Variants in CSNK2A1 observed in about 807,000 individuals in gnomAD.
CSNK2A1 encodes casein kinase II subunit alpha.
CSNK2A1 carries 10 observed loss-of-function variants against 62.9 expected under a neutral mutation model. The ratio of observed to expected loss-of-function variants is 0.16; its 90% confidence interval spans 0.10 to 0.27. CSNK2A1 has a LOEUF of 0.27. Among genes scored for constraint, CSNK2A1 ranks in the 10% least tolerant of loss-of-function variants. The pLI, the probability that CSNK2A1 is intolerant of heterozygous loss-of-function variation, is 1.00. For missense variants in CSNK2A1, 160 were observed against 492.0 expected, an observed-to-expected ratio of 0.33 and a Z score of 6.38; for synonymous variants, 124 against 167.8, an observed-to-expected ratio of 0.74 and a Z score of 2.02.
rs1258899228 is a variant in CSNK2A1, at chr20:499,544, C to T, written c.316-239G>A. On this transcript the variant is annotated intron_variant, in intron 5 of 13. Coordinates refer to ENST00000217244, the MANE Select transcript of CSNK2A1 (RefSeq NM_177559.3). This position sits in a 1 kb window ranked among gnomAD's most constrained non-coding sequence, Gnocchi z 4.2. ...TCTCACCAGGCTCTAGGCAGCCCGA[C>T]AATGCGCCCATCGCCCATCGGCATC... 1.8e-6 allele frequency: 1 copy of T among 552,936 alleles called. No homozygotes were observed. Among genetic ancestry groups the T allele is most frequent in the African/African-American group, 1.9e-5 (1 of 53,036 alleles). 34.3% of individuals were successfully genotyped at this position (552,936 alleles called of 1,614,324 possible).
intron 4 of CSNK2A1, chr20:500,153 T>G (rs2018430514): frequency 2.0e-6 from 1 of 511,010 alleles, no homozygotes; most frequent in African/African-American, 1.9e-5. Flanking sequence ...AAGATTTCTA[T>G]TCCAAAGACC....
At chr20:524,199 A>C (rs1269825505) in intron 2 of CSNK2A1, among the ~76,000 whole-genome samples, 1 of 151,820 alleles carries the variant, frequency 6.6e-6, no homozygotes, top group Non-Finnish European at 1.5e-5. Context: ...TGAGGTGGGC[A>C]GATCACCTGA....
chr20:478,937 C>T lies in CSNK2A1; in HGVS notation c.*5024G>A, dbSNP rs1169238424. 2 of 162,704 alleles carry T rather than the reference C, an allele frequency of 1.2e-5. No individual in the cohort carries two copies. The highest frequency in any genetic ancestry group is 4.8e-5 in the African/African-American group (2 of 41,398). 10.1% of individuals were successfully genotyped at this position (162,704 alleles called of 1,614,324 possible). ...GCAAGACCCGTATCAAAAAACAAAA[C>T]AAACAAAAAACTTCTAGTGAGTAGA... is the stretch of plus-strand genomic sequence containing the variant. On this transcript the variant is annotated 3_prime_UTR_variant, in exon 14 of 14. Coordinates refer to ENST00000217244, the MANE Select transcript of CSNK2A1 (RefSeq NM_177559.3).
chr20:535,787 C>T (rs1466590583), intron 1 of CSNK2A1, among the ~76,000 whole-genome samples: 1 of 151,714 alleles, frequency 6.6e-6, no homozygotes, highest in East Asian at 1.9e-4. Flanking sequence ...ATACAAGTTC[C>T]TGGTCTGCCT....
chr20:497,024 A>C (rs1015797484), intron 7 of CSNK2A1, among the ~76,000 whole-genome samples: 3 of 152,198 alleles, frequency 2.0e-5, no homozygotes, highest in African/African-American at 7.2e-5. Context: ...CAGAAATTAC[A>C]AATATTTGTT....
At chr20:488,894 ACCT>A in intron 10 of CSNK2A1, 116 bp from the exon 11 acceptor site, 1 of 891,912 alleles carries the variant, frequency 1.1e-6, no homozygotes, top group South Asian at 1.7e-5. Context: ...TATGAATGCT[ACCT>A]CCTAACAGTT....
chr20:487,297 C>CATTGCAGAATT, intron 12 of CSNK2A1, 130 bp downstream of exon 12: 1 of 1,309,628 alleles, frequency 7.6e-7, no homozygotes, highest in Non-Finnish European at 1.1e-6. Flanking sequence ...TCACTATCCC[C>CATTGCAGAATT]ACTGGAAGAA....
intron 9 of CSNK2A1, 45 bp from the exon 10 acceptor site, chr20:489,926 C>T: frequency 7.1e-7 from 1 of 1,414,370 alleles, no homozygotes. Flanking sequence ...AATCCTCAGG[C>T]TTGTCACTTC....
intron 8 of CSNK2A1, 114 bp downstream of exon 8, chr20:495,605 T>C: frequency 1.3e-6 from 1 of 778,966 alleles, no homozygotes; most frequent in Non-Finnish European, 2.2e-6. Flanking sequence ...ACCAAATATT[T>C]CTCAACTGCC....
rs1195619960 is a variant in CSNK2A1, at chr20:481,507, G to C, written c.*2454C>G. The C allele has an allele frequency of 8.5e-6, 1 of 117,334 alleles. No homozygotes were observed. The highest frequency in any genetic ancestry group is 3.4e-5 in the African/African-American group (1 of 29,170). The allele number at this position is 117,334 out of a possible 1,614,324, so 7.3% of individuals were successfully genotyped here. On this transcript the variant is annotated 3_prime_UTR_variant, in exon 14 of 14. Transcript: ENST00000217244. ...CTCCCCCCCACCCCCCACCCAATTG[G>C]GTCTTTTTTTTTTTTCTCTCTCTCC...
In CSNK2A1 at chr20:486,427, A is replaced by G. The variant is rs751772350; in HGVS notation, c.1009T>C (p.Ser337Pro). The G allele has an allele frequency of 1.2e-6, 2 of 1,613,614 alleles. No homozygotes were observed. The highest frequency in any genetic ancestry group is 1.7e-6 in the Non-Finnish European group (2 of 1,179,908). The change falls in exon 13 of 14, where the codon TCT (serine) becomes CCT (proline). Residue 337 changes from serine (S) to proline (P), a missense_variant. Coordinates refer to ENST00000217244, the MANE Select transcript of CSNK2A1 (RefSeq NM_177559.3). ...GGCGTACTGCCCCCTGGCATGCTAG[A>G]TGAACCCATTCGAGCCTGGTCCTTC... is the stretch of plus-strand genomic sequence containing the variant. ...VVKDQARMGSSSMPGGSTPVS... is the reference protein window; with the variant it reads ...VVKDQARMGSPSMPGGSTPVS...
chr20:509,525 G>T (rs1369519843), intron 2 of CSNK2A1, among the ~76,000 whole-genome samples: 1 of 152,182 alleles, frequency 6.6e-6, no homozygotes, highest in Admixed American at 6.5e-5. Context: ...ACGTGAGAAG[G>T]ATATAACACG....
rs2017948675 is a variant in CSNK2A1, at chr20:481,133, A to T, written c.*2828T>A. The T allele has an allele frequency of 6.6e-6, 1 of 152,126 alleles. No homozygotes were observed. The allele number at this position is 152,126 out of a possible 1,614,324, so 9.4% of individuals were successfully genotyped here. On this transcript the variant is annotated 3_prime_UTR_variant, in exon 14 of 14. Transcript: ENST00000217244. ...TTCATTTATTTAAATGTTTTTATTA[A>T]AAAAAATTAAAGACCTTCATGGCAC...
At position 475,822 on chromosome 20, in the gene CSNK2A1, C is replaced by G. The variant is rs1053694943; in HGVS notation, c.*8139G>C. On this transcript the variant is annotated 3_prime_UTR_variant, in exon 14 of 14. Transcript: ENST00000217244. ...GTTTCTGTGATTCATGAGAAGAGCA[C>G]GCCCTGAGTAGCTGCTGCAACTTCT... 1.3e-5 allele frequency: 2 copies of G among 152,168 alleles called. No homozygotes were observed. Among genetic ancestry groups the G allele is most frequent in the Non-Finnish European group, 2.9e-5 (2 of 68,050 alleles). The allele number at this position is 152,168 out of a possible 1,614,324, so 9.4% of individuals were successfully genotyped here.
At chr20:486,661 G>A (rs1313078425) in intron 12 of CSNK2A1, 199 bp from the exon 13 acceptor site, 1 of 530,394 alleles carries the variant, frequency 1.9e-6, no homozygotes, top group Non-Finnish European at 3.3e-6. Context: ...CTATCAAACT[G>A]TGGTAAAAGC....
At chr20:530,468 CTTTT>C (rs779710774) in intron 1 of CSNK2A1, among the ~76,000 whole-genome samples, 2 of 135,150 alleles carry the variant, frequency 1.5e-5, no homozygotes, top group African/African-American at 2.8e-5. Context: ...ACTTTTTTTC[CTTTT>C]TTTTTTTTTT....
Position 480,364 on chromosome 20 carries a change from T to A in CSNK2A1, c.*3597A>T, listed in dbSNP as rs2017933752. On this transcript the variant is annotated 3_prime_UTR_variant, in exon 14 of 14. Coordinates refer to ENST00000217244, the MANE Select transcript of CSNK2A1 (RefSeq NM_177559.3). Reference sequence around the variant, plus strand: ...ATTACAAGCCAAGTAGGGTGTTAAATATTTTCCTCGTGCCATTCCATTCAA... The same window carrying A: ...ATTACAAGCCAAGTAGGGTGTTAAAAATTTTCCTCGTGCCATTCCATTCAA... 6.6e-6 allele frequency: 1 copy of A among 151,690 alleles called. No homozygotes were observed. The highest frequency in any genetic ancestry group is 2.4e-5 in the African/African-American group (1 of 41,236). 9.4% of individuals were successfully genotyped at this position (151,690 alleles called of 1,614,324 possible).
At chr20:502,257 A>C (rs1474037610) in intron 4 of CSNK2A1, 1 of 152,232 alleles carries the variant, frequency 6.6e-6, no homozygotes, top group East Asian at 1.9e-4. Context: ...GAAACAAGAT[A>C]ATATAAGTCT....
chr20:514,120 G>C (rs2018780973), intron 2 of CSNK2A1, among the ~76,000 whole-genome samples: 1 of 151,564 alleles, frequency 6.6e-6, no homozygotes, highest in African/African-American at 2.4e-5. Context: ...ACTCTGGCAG[G>C]ATCACTTGAG....
Sources: gnomAD v4.1 joint callset for allele counts (sites outside exome capture counted in the v4.1 genomes callset) on GRCh38, gnomAD v4.1.1 for gene constraint, Gnocchi (gnomAD v3.1) non-coding constraint, MANE v1.5 for transcripts, NCBI Gene and HGNC (gene_info 2026-07-23, HGNC 2026-07-21) for gene names.